Variants in FRMPD4 observed in about 807,000 individuals in gnomAD.
The protein encoded by FRMPD4 is FERM and PDZ domain-containing protein 4.
A neutral mutation model predicts 94.1 loss-of-function variants in FRMPD4; 22 were observed. The observed-to-expected ratio is 0.23, with a 90% CI of 0.17 to 0.33. FRMPD4 has a LOEUF of 0.33. FRMPD4 is among the 10% of genes least tolerant of loss of function. The pLI, the probability that FRMPD4 is intolerant of heterozygous loss-of-function variation, is 1.00. For missense variants in FRMPD4, 1,111 were observed against 1,339.9 expected, an observed-to-expected ratio of 0.83 and a Z score of 2.67; for synonymous variants, 631 against 548.6, an observed-to-expected ratio of 1.15 and a Z score of -2.10.
At chrX:12,496,038 AT>A (rs1257257458) in intron 1 of FRMPD4, among the ~76,000 whole-genome samples, 1 of 112,140 alleles carries the variant, frequency 8.9e-6, no homozygotes, top group African/African-American at 3.2e-5. Context: ...CCACAAGGTA[AT>A]ACCCATGCTA....
At chrX:12,690,498 T>C (rs7058009) in intron 8 of FRMPD4, among the ~76,000 whole-genome samples, 172 bp downstream of exon 8, 1,300 of 112,022 alleles carry the variant, frequency 0.012, 15 homozygotes, top group African/African-American at 0.04. Context: ...AGGTCATGTT[T>C]CCCTTTCTGC....
intron 3 of FRMPD4, among the ~76,000 whole-genome samples, chrX:11,884,161 C>A (rs774285444): frequency 2.0e-3 from 221 of 111,247 alleles, no homozygotes; most frequent in African/African-American, 7.0e-3. Context: ...CATAAAGGAC[C>A]TTTTGTCATT....
chrX:12,578,592 T>A (rs1214540039), intron 2 of FRMPD4, among the ~76,000 whole-genome samples: 1 of 112,041 alleles, frequency 8.9e-6, no homozygotes, highest in Non-Finnish European at 1.9e-5. Flanking sequence ...GTTTGTGTGT[T>A]TATGTTACTG....
intron 1 of FRMPD4, among the ~76,000 whole-genome samples, chrX:12,429,054 T>C (rs1569272731): frequency 8.9e-6 from 1 of 111,880 alleles, no homozygotes; most frequent in African/African-American, 3.3e-5. Context: ...GAAGCATTTC[T>C]ATTTTTCTGG....
chrX:12,248,234 T>C (rs751886034), intron 1 of FRMPD4, among the ~76,000 whole-genome samples: 5 of 112,647 alleles, frequency 4.4e-5, no homozygotes, highest in East Asian at 2.8e-4. Flanking sequence ...GTCTCACTTA[T>C]TGTGAACAAA....
intron 1 of FRMPD4, among the ~76,000 whole-genome samples, chrX:12,243,898 C>T (rs1303288664): frequency 3.2e-5 from 3 of 93,072 alleles, no homozygotes; most frequent in Non-Finnish European, 6.1e-5. Flanking sequence ...TGGGCTCAAG[C>T]GATTCTCCCA....
intron 1 of FRMPD4, among the ~76,000 whole-genome samples, chrX:12,460,511 G>T (rs963019780): frequency 2.2e-4 from 24 of 111,466 alleles, no homozygotes; most frequent in African/African-American, 7.5e-4. Context: ...TATGTCTTTT[G>T]CCCATTGAAT....
intron 2 of FRMPD4, among the ~76,000 whole-genome samples, chrX:12,548,500 G>T (rs1276040676): frequency 4.4e-5 from 5 of 112,448 alleles, no homozygotes; most frequent in Non-Finnish European, 9.4e-5. Flanking sequence ...TGGTTCTGCT[G>T]AAACTGTACT....
At chrX:12,210,601 G>T (rs990986858) in intron 1 of FRMPD4, among the ~76,000 whole-genome samples, 1 of 111,020 alleles carries the variant, frequency 9.0e-6, no homozygotes, top group African/African-American at 3.3e-5. Flanking sequence ...AAACACAAAG[G>T]GGGAGTAGCT....
At chrX:12,083,965 A>T (rs1485494257) in intron 3 of FRMPD4, among the ~76,000 whole-genome samples, 1 of 111,768 alleles carries the variant, frequency 8.9e-6, no homozygotes, top group East Asian at 2.8e-4. Context: ...GCCTTGTCTC[A>T]GATGAGACTT....
rs1480516972 is a variant in FRMPD4 at position 12,462,959 on chromosome X, A to G, written c.42-35721A>G. Among the ~76,000 whole-genome samples, 3 of 112,032 alleles carry G rather than the reference A, an allele frequency of 2.7e-5. No individual in the cohort carries two copies. In the East Asian group the frequency reaches 8.4e-4, roughly 31 times the overall value. On this transcript the variant is annotated intron_variant, in intron 1 of 16. Coordinates refer to ENST00000675598, the MANE Select transcript of FRMPD4 (RefSeq NM_001368397.1). ...AGCCATGATCATACCACTGCACTCC[A>G]GCCTGGGCAACACAGGAAGACCCTG...
intron 1 of FRMPD4, among the ~76,000 whole-genome samples, chrX:12,391,471 C>T (rs185440554): frequency 8.9e-6 from 1 of 111,915 alleles, no homozygotes; most frequent in Non-Finnish European, 1.9e-5. Flanking sequence ...TGCTCACCCT[C>T]GCTGGGACAT....
chrX:12,145,986 G>A (rs1011494518), intron 1 of FRMPD4, among the ~76,000 whole-genome samples: 6 of 111,759 alleles, frequency 5.4e-5, no homozygotes, highest in South Asian at 3.8e-4. Flanking sequence ...TGTCCCCTCC[G>A]TCTACATACT....
chrX:12,381,101 T>G (rs2056311654), intron 1 of FRMPD4, among the ~76,000 whole-genome samples: 1 of 111,912 alleles, frequency 8.9e-6, no homozygotes, highest in African/African-American at 3.2e-5. Context: ...TTTGTGGTTA[T>G]AGGATTCCAG....
chrX:12,486,338 A>G (rs1186709615), intron 1 of FRMPD4, among the ~76,000 whole-genome samples: 1 of 112,158 alleles, frequency 8.9e-6, no homozygotes, highest in Non-Finnish European at 1.9e-5. Flanking sequence ...ACGGAAACAG[A>G]ACCTGCATTT....
chrX:12,314,955 A>C (rs772923127), intron 1 of FRMPD4, among the ~76,000 whole-genome samples: 1 of 112,641 alleles, frequency 8.9e-6, no homozygotes, highest in Non-Finnish European at 1.9e-5. Context: ...CTAAAGAAAC[A>C]TAAATGTGCC....
At chrX:12,371,426 G>A (rs1197807598) in intron 1 of FRMPD4, among the ~76,000 whole-genome samples, 2 of 112,292 alleles carry the variant, frequency 1.8e-5, no homozygotes, top group Non-Finnish European at 3.8e-5. Flanking sequence ...GGAGTAGAGG[G>A]GGAATGTCCC....
At chrX:12,140,387 G>T (rs1796099407) in intron 1 of FRMPD4, among the ~76,000 whole-genome samples, 1 of 112,372 alleles carries the variant, frequency 8.9e-6, no homozygotes, top group African/African-American at 3.2e-5. Flanking sequence ...GTGGCCAATT[G>T]TTTGCTTTCA....
chrX:12,390,401 T>A (rs1301948971), intron 1 of FRMPD4, among the ~76,000 whole-genome samples: 1 of 112,699 alleles, frequency 8.9e-6, no homozygotes, highest in Non-Finnish European at 1.9e-5. Flanking sequence ...TCACTTTTCC[T>A]GTCAGCTCTT....
Sources: gnomAD v4.1 joint callset for allele counts (sites outside exome capture counted in the v4.1 genomes callset) on GRCh38, gnomAD v4.1.1 for gene constraint, MANE v1.5 for transcripts, NCBI Gene and HGNC (gene_info 2026-07-23, HGNC 2026-07-21) for gene names.